AMN: variants seen among roughly 807,000 people sequenced by gnomAD.
AMN encodes amnion associated transmembrane protein, also known as protein amnionless.
A neutral mutation model predicts 49.1 loss-of-function variants in AMN; 40 were observed. That is an observed-to-expected ratio of 0.81 (90% CI 0.63 to 1.06). The LOEUF (loss-of-function observed/expected upper bound fraction) is 1.06. Ranked by LOEUF, AMN falls within the 50% of genes least tolerant of loss-of-function variation. The probability of loss-of-function intolerance (pLI) is 0.00; values close to 1 mark genes in which losing one functional copy is unlikely to be tolerated. For synonymous variants in AMN, 380 were observed against 313.3 expected, an observed-to-expected ratio of 1.21 and a Z score of -2.25; for missense variants, 701 against 662.8, an observed-to-expected ratio of 1.06 and a Z score of -0.63.
chr14:102,929,340 T>C, intron 6 of AMN, 82 bp downstream of exon 6: 1 of 1,495,294 alleles, frequency 6.7e-7, no homozygotes. Flanking sequence ...GCTCCCACGG[T>C]CTCTCGCCGG....
intron 3 of AMN, 135 bp from the exon 4 acceptor site, chr14:102,928,291 C>A: frequency 1.3e-6 from 1 of 752,234 alleles, no homozygotes; most frequent in Non-Finnish European, 2.2e-6. Flanking sequence ...AGGCCGAGGA[C>A]CCCGGGCCTG....
intron 3 of AMN, among the ~76,000 whole-genome samples, chr14:102,927,209 A>G (rs1018782864): frequency 3.9e-5 from 6 of 152,076 alleles, no homozygotes; most frequent in Non-Finnish European, 7.4e-5. Context: ...TTTGGTTTCT[A>G]TTATAAATGT....
chr14:102,929,320 G>A (rs1595433837), intron 6 of AMN, 62 bp downstream of exon 6: 2 of 1,468,344 alleles, frequency 1.4e-6, no homozygotes. Flanking sequence ...GCCCGGGACA[G>A]GGCCGCTGCG....
At position 102,930,389 on chromosome 14, in the gene AMN, C is replaced by T. The variant is rs1236091670; in HGVS notation, c.1170-17C>T. 12 of 1,503,578 alleles carry T rather than the reference C, an allele frequency of 8.0e-6. No homozygotes were observed. The East Asian group carries it at 2.6e-4, about 33-fold the overall frequency. The allele number at this position is 1,503,578 out of a possible 1,614,324, so 93.1% of individuals were successfully genotyped here. A position where few individuals can be genotyped will look rare whatever the true frequency, so the allele number is the denominator to read the frequency against. On this transcript the variant is annotated splice_polypyrimidine_tract_variant and intron_variant, in intron 10 of 11. Transcript: ENST00000299155. Reference sequence around the variant, plus strand: ...TTGCTCCGAGGGGCTCACGCTGCGTCCCCGCTACGCCCTCAGGTGGAGGAG... The same window carrying T: ...TTGCTCCGAGGGGCTCACGCTGCGTTCCCGCTACGCCCTCAGGTGGAGGAG...
rs1468648701 is a variant in AMN, at chr14:102,929,445, C to T, written c.669C>T (p.Cys223=). The T allele has an allele frequency of 6.5e-7, 1 of 1,531,508 alleles. No homozygotes were observed. Among genetic ancestry groups the T allele is most frequent in the Admixed American group, 2.0e-5 (1 of 50,904 alleles). The allele number at this position is 1,531,508 out of a possible 1,614,324, so 94.9% of individuals were successfully genotyped here. A position where few individuals can be genotyped will look rare whatever the true frequency, so the allele number is the denominator to read the frequency against. Residue 223 remains cysteine (C), a synonymous_variant, in exon 7 of 12, where the codon TGC becomes TGT. Transcript: ENST00000299155. ...CGNAEAQPWI[C]AALLQPLGGR... is the part of the protein sequence containing the mutation. The stretch of plus-strand genomic sequence containing the variant: ...CGCACCAGGCGCAGCCGTGGATCTG[C>T]GCGGCCCTGCTCCAGCCCCTGGGCG...
rs370794142 is a variant in AMN, at chr14:102,930,667, A to G, written c.1349A>G (p.Glu450Gly). 1.3e-4 allele frequency: 206 copies of G among 1,575,246 alleles called. No homozygotes were observed. The African/African-American group carries it at 2.0e-3, about 15-fold the overall frequency. The change falls in exon 12 of 12, where the codon GAG becomes GGG. Residue 450 changes from glutamate (E) to glycine (G), a missense_variant. Glu to Gly is a moderately conservative substitution (Grantham distance 98). Coordinates refer to ENST00000299155, the MANE Select transcript of AMN (RefSeq NM_030943.4). ...YFVNPLFAGAEAEA is the reference protein window; with the variant it reads ...YFVNPLFAGAGAEA ...GTCAACCCTCTGTTCGCCGGGGCCG[A>G]GGCCGAGGCCTGAGCGGCCGCCTGA...
Position 102,929,415 on chromosome 14 carries a change from C to A in AMN, c.652-13C>A. 1 of 1,529,960 alleles carries A rather than the reference C, an allele frequency of 6.5e-7. No individual in the cohort carries two copies. The highest frequency in any genetic ancestry group is 8.7e-7 in the Non-Finnish European group (1 of 1,144,830). 94.8% of individuals were successfully genotyped at this position (1,529,960 alleles called of 1,614,324 possible). Reference sequence around the variant, plus strand: ...CTCTGGCCCTCCGCGCTGACCACCGCCCCTCGCACCAGGCGCAGCCGTGGA... The same window carrying A: ...CTCTGGCCCTCCGCGCTGACCACCGACCCTCGCACCAGGCGCAGCCGTGGA... On this transcript the variant is annotated splice_polypyrimidine_tract_variant and intron_variant, in intron 6 of 11. Transcript: ENST00000299155.
chr14:102,922,755 G>T, intron 1 of AMN, 24 bp downstream of exon 1: 2 of 1,569,784 alleles, frequency 1.3e-6, no homozygotes, highest in East Asian at 2.3e-5. Context: ...ACACCGGTGC[G>T]GGCCCGGACG....
Position 102,928,929 on chromosome 14 carries a change from C to G in AMN, c.467C>G (p.Pro156Arg), listed in dbSNP as rs1356954300. Reference protein sequence around the residue: ...PSASFRVGLGPGASPVRVRSI... With the variant: ...PSASFRVGLGRGASPVRVRSI... ...GCCTCCTTCCGCGTGGGGCTCGGCC[C>G]TGGCGCTAGCCCCGTGCGTGTCCGC... The change falls in exon 5 of 12, where the codon CCT becomes CGT. Residue 156 changes from proline (P) to arginine (R), a missense_variant. Physicochemically the swap from Pro to Arg is moderately radical, Grantham distance 103. Transcript: ENST00000299155. 3.1e-6 allele frequency: 5 copies of G among 1,601,232 alleles called. No individual in the cohort carries two copies. In the East Asian group the frequency reaches 6.7e-5, roughly 21 times the overall value.
chr14:102,928,366 G>T (rs975769284), intron 3 of AMN, 60 bp from the exon 4 acceptor site: 1 of 1,469,492 alleles, frequency 6.8e-7, no homozygotes, highest in African/African-American at 1.4e-5. Flanking sequence ...TGGGGGCGGG[G>T]TGGGCGCGGA....
In AMN at chr14:102,929,255, G is replaced by T. The variant is rs1595433771; in HGVS notation, c.648G>T (p.Ala216=). The part of the protein sequence containing the change: ...ADPSGCVCGN[A]EAQPWICAAL... Reference sequence around the variant, plus strand: ...CGTCGGGCTGCGTCTGCGGCAACGCGGAGGTGAGCGAGGCCGCAGTGGAGT... The same window carrying T: ...CGTCGGGCTGCGTCTGCGGCAACGCTGAGGTGAGCGAGGCCGCAGTGGAGT... Residue 216 remains alanine (A), a synonymous_variant, in exon 6 of 12, where the codon GCG becomes GCT. Transcript: ENST00000299155. The T allele has an allele frequency of 2.0e-6, 3 of 1,480,056 alleles. No individual in the cohort carries two copies. The highest frequency in any genetic ancestry group is 2.7e-6 in the Non-Finnish European group (3 of 1,126,412). The allele number at this position is 1,480,056 out of a possible 1,614,324, so 91.7% of individuals were successfully genotyped here.
intron 7 of AMN, 48 bp from the exon 8 acceptor site, chr14:102,929,607 C>T: frequency 6.5e-7 from 1 of 1,547,726 alleles, no homozygotes; most frequent in Non-Finnish European, 8.7e-7. Flanking sequence ...GCCTCAGTTT[C>T]CTGCCGGGCC....
chr14:102,928,698 G>C, intron 4 of AMN, 60 bp from the exon 5 acceptor site: 1 of 1,560,952 alleles, frequency 6.4e-7, no homozygotes, highest in East Asian at 2.3e-5. Flanking sequence ...GCGTGGCGTG[G>C]CGTGGCGTGG....
chr14:102,930,713 C>T lies in AMN; in HGVS notation c.*33C>T, dbSNP rs762648972. 5 of 1,551,940 alleles carry T rather than the reference C, an allele frequency of 3.2e-6. No homozygotes were observed. Among genetic ancestry groups the T allele is most frequent in the South Asian group, 1.2e-5 (1 of 84,450 alleles). ...CCTGACCGTCGACCTTGGGGCTCTCCACCCGCTCTGGCCCCAGTCGAACTG... is the reference window on the plus strand; with the variant it reads ...CCTGACCGTCGACCTTGGGGCTCTCTACCCGCTCTGGCCCCAGTCGAACTG... On this transcript the variant is annotated 3_prime_UTR_variant, in exon 12 of 12. Transcript: ENST00000299155.
Position 102,928,516 on chromosome 14 carries a change from G to A in AMN, c.295+3G>A. 2 of 1,604,948 alleles carry A rather than the reference G, an allele frequency of 1.2e-6. No homozygotes were observed. The highest frequency in any genetic ancestry group is 1.7e-6 in the Non-Finnish European group (2 of 1,178,064). On this transcript the variant is annotated splice_donor_region_variant and intron_variant, in intron 4 of 11. Coordinates refer to ENST00000299155, the MANE Select transcript of AMN (RefSeq NM_030943.4). ...CTCGCACCTGGACTGTGGCGCGGGTGAGGCGGTCGGGCAGGGGCGGGGCTC... is the reference window on the plus strand; with the variant it reads ...CTCGCACCTGGACTGTGGCGCGGGTAAGGCGGTCGGGCAGGGGCGGGGCTC...
rs7140429 is a variant in AMN, at chr14:102,928,786, C to T, written c.324C>T (p.Asp108=). The T allele has an allele frequency of 8.3e-4, 1,343 of 1,608,732 alleles. 15 individuals carry two copies. The African/African-American group carries it at 0.016, about 20-fold the overall frequency. ...AACCTGCCGTCTTCCGCGACTCTGA[C>T]CGCTTCTCCTGGCATGACCCGCACC... is the stretch of plus-strand genomic sequence containing the variant. ...AGEPAVFRDS[D]RFSWHDPHLW... is the part of the protein sequence containing the mutation. The change falls in exon 5 of 12, where the codon GAC becomes GAT. Residue 108 remains aspartate (D), a synonymous_variant. Coordinates refer to ENST00000299155, the MANE Select transcript of AMN (RefSeq NM_030943.4).
Position 102,930,595 on chromosome 14 carries a change from G to C in AMN, c.1277G>C (p.Ser426Thr). The change falls in exon 12 of 12, where the codon AGC becomes ACC. Residue 426 changes from serine to threonine, a missense_variant. By Grantham distance (58) the Ser-to-Thr change is moderately conservative (BLOSUM62 1). Coordinates refer to ENST00000299155, the MANE Select transcript of AMN (RefSeq NM_030943.4). The part of the protein sequence containing the change: ...SEELPLPRRL[S>T]LVPKAAADST... ...CCGCAGCCCCTGCCGCGGCGGCTCA[G>C]CCTGGTTCCGAAGGCGGCCGCAGAC... 1 of 1,586,460 alleles carries C rather than the reference G, an allele frequency of 6.3e-7. No homozygotes were observed.
chr14:102,928,477 G>A lies in AMN; in HGVS notation c.259G>A (p.Val87Ile). 6.2e-7 allele frequency: 1 copy of A among 1,609,818 alleles called. No homozygotes were observed. Among genetic ancestry groups the A allele is most frequent in the Admixed American group, 1.7e-5 (1 of 59,886 alleles). Reference sequence around the variant, plus strand: ...CCTGGCTTCAGGAGCCGGATTCGGCGTCTCAGACGTGGGCTCGCACCTGGA... The same window carrying A: ...CCTGGCTTCAGGAGCCGGATTCGGCATCTCAGACGTGGGCTCGCACCTGGA... Reference protein sequence around the residue: ...LVLASGAGFGVSDVGSHLDCG... With the variant: ...LVLASGAGFGISDVGSHLDCG... Residue 87 changes from valine to isoleucine, a missense_variant, in exon 4 of 12, where the codon GTC (valine) becomes ATC (isoleucine). By Grantham distance (29) the Val-to-Ile change is conservative (BLOSUM62 3). Coordinates refer to ENST00000299155, the MANE Select transcript of AMN (RefSeq NM_030943.4).
At chr14:102,928,573 G>A (rs1448061375) in intron 4 of AMN, 60 bp downstream of exon 4, 6 of 1,549,322 alleles carry the variant, frequency 3.9e-6, no homozygotes, top group South Asian at 1.2e-5. Flanking sequence ...GGGGACTGGA[G>A]GGAAGGCGCG....
Sources: allele counts gnomAD v4.1 joint callset (sites outside exome capture counted in the v4.1 genomes callset), GRCh38; gene constraint gnomAD v4.1.1; transcripts MANE v1.5; gene names NCBI Gene and HGNC (gene_info 2026-07-23, HGNC 2026-07-21).